Variants in PDE4D observed in about 807,000 individuals in gnomAD.
PDE4D encodes the protein phosphodiesterase 4D.
A neutral mutation model predicts 87.4 loss-of-function variants in PDE4D; 24 were observed. The observed-to-expected ratio is 0.27, with a 90% CI of 0.20 to 0.39. PDE4D has a LOEUF of 0.39. Among genes scored for constraint, PDE4D ranks in the 10% least tolerant of loss-of-function variants. The pLI is 1.00. For synonymous variants in PDE4D, 384 were observed against 383.2 expected (o/e 1.00, Z -0.02); for missense variants, 714 against 1,041.0 (o/e 0.69, Z 4.32).
intron 5 of PDE4D, chr5:59,040,025 C>T (rs1037543551): frequency 6.6e-6 from 1 of 152,458 alleles, no homozygotes; most frequent in Non-Finnish European, 1.5e-5. Context: ...GCTGGAGCCT[C>T]TGCGACTCCA....
At chr5:59,512,649 G>T (rs1392426401) in intron 1 of PDE4D, among the ~76,000 whole-genome samples, 1 of 152,024 alleles carries the variant, frequency 6.6e-6, no homozygotes, top group Non-Finnish European at 1.5e-5. Flanking sequence ...TTATTGAAGG[G>T]TTTAATATTG....
chr5:59,632,909 T>C (rs1831754343), intron 1 of PDE4D, among the ~76,000 whole-genome samples: 1 of 152,104 alleles, frequency 6.6e-6, no homozygotes, highest in Non-Finnish European at 1.5e-5. Flanking sequence ...AGAAATAGGC[T>C]TCAGAAGGTG....
chr5:59,273,544 A>T (rs1208749269), intron 1 of PDE4D, among the ~76,000 whole-genome samples: 1 of 151,752 alleles, frequency 6.6e-6, no homozygotes, highest in Non-Finnish European at 1.5e-5. Context: ...AGCTGCAGTG[A>T]TATACCCAAG....
chr5:59,486,518 C>T (rs919474123), intron 1 of PDE4D, among the ~76,000 whole-genome samples: 6 of 152,116 alleles, frequency 3.9e-5, no homozygotes, highest in African/African-American at 9.7e-5. Flanking sequence ...AAAATACTTC[C>T]CATGTGCCCT....
intron 1 of PDE4D, among the ~76,000 whole-genome samples, chr5:60,188,918 G>A (rs893062745): frequency 6.6e-6 from 1 of 152,172 alleles, no homozygotes; most frequent in Admixed American, 6.5e-5. Flanking sequence ...TGAACAAGTG[G>A]TAACCTCTGC....
chr5:60,097,871 T>A (rs937767139), intron 2 of PDE4D, among the ~76,000 whole-genome samples: 1 of 151,952 alleles, frequency 6.6e-6, no homozygotes, highest in African/African-American at 2.4e-5. Flanking sequence ...GAACTAGATA[T>A]TTACCTGCTC....
At chr5:59,971,955 T>C (rs952767104) in intron 3 of PDE4D, among the ~76,000 whole-genome samples, 3 of 152,122 alleles carry the variant, frequency 2.0e-5, no homozygotes, top group African/African-American at 7.2e-5. Flanking sequence ...TTGAGCAGAA[T>C]CCAGTGAAGA....
At chr5:59,689,947 G>T (rs1750620111) in intron 1 of PDE4D, among the ~76,000 whole-genome samples, 1 of 151,668 alleles carries the variant, frequency 6.6e-6, no homozygotes. Flanking sequence ...AGCCAAATCC[G>T]AAGTGAACTC....
chr5:59,849,265 T>C (rs1360334973), intron 1 of PDE4D, among the ~76,000 whole-genome samples: 2 of 152,046 alleles, frequency 1.3e-5, no homozygotes, highest in Non-Finnish European at 2.9e-5. Context: ...CATTATTTAA[T>C]AGAGATCATC....
chr5:59,659,772 C>T (rs1422253996), intron 1 of PDE4D, among the ~76,000 whole-genome samples: 1 of 152,182 alleles, frequency 6.6e-6, no homozygotes. Flanking sequence ...ACAGTGTGCA[C>T]GAAATGGTCT....
chr5:59,690,581 A>T (rs1750740595), intron 1 of PDE4D, among the ~76,000 whole-genome samples: 1 of 152,256 alleles, frequency 6.6e-6, no homozygotes, highest in Non-Finnish European at 1.5e-5. Flanking sequence ...AGATGGATTA[A>T]AAACTTAAAT....
chr5:59,022,537 T>C (rs767213911), intron 6 of PDE4D, among the ~76,000 whole-genome samples: 1 of 152,192 alleles, frequency 6.6e-6, no homozygotes, highest in African/African-American at 2.4e-5. Context: ...TTATCCTATA[T>C]CTTCTCTATC....
In PDE4D at chr5:59,893,539, G is replaced by A. The variant is rs1201991644; in HGVS notation, c.84C>T (p.Ala28=). The A allele has an allele frequency of 1.9e-6, 3 of 1,540,632 alleles. No individual in the cohort carries two copies. The highest frequency in any genetic ancestry group is 2.6e-6 in the Non-Finnish European group (3 of 1,142,764). Residue 28 remains alanine (A), a synonymous_variant, in exon 1 of 15, where the codon GCC becomes GCT. Transcript: ENST00000340635. ...SDSAGGATLK[A]PKHLWRHEQH... is the part of the protein sequence containing the mutation. Reference sequence around the variant, plus strand: ...GCTCGTGCCTCCAGAGATGCTTGGGGGCTTTGAGCGTGGCCCCGCCGGCGC... The same window carrying A: ...GCTCGTGCCTCCAGAGATGCTTGGGAGCTTTGAGCGTGGCCCCGCCGGCGC...
intron 1 of PDE4D, among the ~76,000 whole-genome samples, chr5:59,278,829 G>A (rs1471309237): frequency 5.9e-5 from 9 of 152,032 alleles, no homozygotes; most frequent in Non-Finnish European, 1.3e-4. Flanking sequence ...ATGGTGCCCC[G>A]ATACAACTTG....
chr5:60,104,427 G>C (rs1019612709), intron 2 of PDE4D, among the ~76,000 whole-genome samples: 2 of 152,216 alleles, frequency 1.3e-5, no homozygotes, highest in Non-Finnish European at 2.9e-5. Flanking sequence ...CCACCTCTGG[G>C]GGCAGGGCAC....
intron 1 of PDE4D, among the ~76,000 whole-genome samples, chr5:60,348,339 T>C (rs1758901529): frequency 6.6e-6 from 1 of 151,864 alleles, no homozygotes; most frequent in Admixed American, 6.6e-5. Context: ...GAAAAAAAAA[T>C]CCAGGCAGAG....
At chr5:59,971,304 A>T (rs1190912019) in intron 3 of PDE4D, among the ~76,000 whole-genome samples, 4 of 151,554 alleles carry the variant, frequency 2.6e-5, no homozygotes, top group Non-Finnish European at 4.4e-5. Flanking sequence ...ACATGTATAC[A>T]TACGTAACTA....
rs192720400 is a variant in PDE4D, at chr5:60,110,007, A to G, written c.42+75550T>C. On this transcript the variant is annotated intron_variant, in intron 2 of 16. Transcript: ENST00000502484. ...GCACATGTACCCTAAAACTTAAAGT[A>G]TAATAATAATTAAAAAAAAATTAAA... is the stretch of plus-strand genomic sequence containing the variant. 1.5e-3 allele frequency among the ~76,000 whole-genome samples: 228 copies of G among 152,208 alleles called. 1 individual carries two copies. The highest frequency in any genetic ancestry group is 2.9e-3 in the Non-Finnish European group (194 of 67,992).
chr5:59,964,524 C>A (rs1426430143), intron 3 of PDE4D, among the ~76,000 whole-genome samples: 2 of 152,104 alleles, frequency 1.3e-5, no homozygotes, highest in African/African-American at 4.8e-5. Flanking sequence ...TACTCCTAGG[C>A]TCTCTTCTCT....
Sources: gnomAD v4.1 joint callset for allele counts (sites outside exome capture counted in the v4.1 genomes callset) on GRCh38, gnomAD v4.1.1 for gene constraint, MANE v1.5 for transcripts, NCBI Gene and HGNC (gene_info 2026-07-23, HGNC 2026-07-21) for gene names.